The following MAP4K3 variants were observed in gnomAD, a reference collection of about 807,000 sequenced individuals.
MAP4K3 encodes the protein mitogen-activated protein kinase kinase kinase kinase 3, also known as MAPK/ERK kinase kinase kinase 3.
In MAP4K3, 94 loss-of-function variants were observed where a neutral mutation model predicts 143.5. That is an observed-to-expected ratio of 0.65 (90% CI 0.55 to 0.78). The LOEUF (loss-of-function observed/expected upper bound fraction) is 0.78, where lower values mean the gene tolerates loss of function less well. Ranked by LOEUF, MAP4K3 falls within the 30% of genes least tolerant of loss-of-function variation. The probability of loss-of-function intolerance (pLI) is 0.00; values close to 1 mark genes in which losing one functional copy is unlikely to be tolerated. For synonymous variants in MAP4K3, 416 were observed against 347.2 expected (o/e 1.20, Z -2.20); for missense variants, 1,077 against 1,068.1 (o/e 1.01, Z -0.12).
intron 1 of MAP4K3, among the ~76,000 whole-genome samples, chr2:39,419,405 T>C (rs1452829013): frequency 5.9e-5 from 9 of 152,158 alleles, no homozygotes; most frequent in Non-Finnish European, 1.2e-4. Context: ...TTATTTTCTA[T>C]AAAAGCAGTA....
intron 32 of MAP4K3, among the ~76,000 whole-genome samples, chr2:39,252,265 G>C (rs1200708368): frequency 6.6e-6 from 1 of 152,214 alleles, no homozygotes. Flanking sequence ...ACTTAAAAAG[G>C]CTGCCACGTA....
At chr2:39,392,940 C>T (rs936629745) in intron 1 of MAP4K3, among the ~76,000 whole-genome samples, 1 of 152,174 alleles carries the variant, frequency 6.6e-6, no homozygotes, top group Non-Finnish European at 1.5e-5. Flanking sequence ...TTATAAATTA[C>T]CCAGTCTCAG....
intron 1 of MAP4K3, among the ~76,000 whole-genome samples, chr2:39,404,690 C>T (rs1251311864): frequency 1.4e-5 from 2 of 141,416 alleles, no homozygotes; most frequent in African/African-American, 2.7e-5. Context: ...GGCACGATCT[C>T]GGCTGACCAC....
chr2:39,267,314 T>G, intron 26 of MAP4K3, 67 bp from the exon 27 acceptor site: 1 of 1,200,436 alleles, frequency 8.3e-7, no homozygotes, highest in Non-Finnish European at 1.2e-6. Flanking sequence ...AAGCTACTGT[T>G]ATAGATCAGT....
chr2:39,410,524 T>A (rs1164637753), intron 1 of MAP4K3, among the ~76,000 whole-genome samples: 1 of 152,190 alleles, frequency 6.6e-6, no homozygotes, highest in East Asian at 1.9e-4. Context: ...CAGTCACATG[T>A]CACTCTAACA....
At chr2:39,336,471 CAAAAAAAAAAAAA>C (rs55780656) in intron 6 of MAP4K3, among the ~76,000 whole-genome samples, 15 of 38,680 alleles carry the variant, frequency 3.9e-4, no homozygotes, top group African/African-American at 1.8e-3. Flanking sequence ...GACTCCATCT[CAAAAAAAAAAAAA>C]AAAAAAAAAA....
chr2:39,306,997 G>A (rs781744525), intron 15 of MAP4K3, among the ~76,000 whole-genome samples: 4 of 152,228 alleles, frequency 2.6e-5, no homozygotes, highest in African/African-American at 9.6e-5. Flanking sequence ...CTGTCCAATA[G>A]GACAGCAACC....
At chr2:39,297,967 T>C (rs1044291942) in intron 16 of MAP4K3, among the ~76,000 whole-genome samples, 3 of 152,080 alleles carry the variant, frequency 2.0e-5, no homozygotes, top group Non-Finnish European at 4.4e-5. Flanking sequence ...CAATGGAAAC[T>C]AAGGAATCTG....
In MAP4K3 at chr2:39,299,769, T is replaced by A; in HGVS notation, c.1152A>T (p.Gln384His). ...DLQLEYGQGH[Q>H]GGYFLGANKS... ...TGTTTGCACCTAAAAAGTAACCACC[T>A]TGGTGTCCTTGTCCATATTCCAGTT... The change falls in exon 16 of 34, where the codon CAA becomes CAT. Residue 384 changes from glutamine to histidine, a missense_variant. Physicochemically the swap from Gln to His is conservative, Grantham distance 24. Transcript: ENST00000263881. 1 of 1,577,246 alleles carries A rather than the reference T, an allele frequency of 6.3e-7. No homozygotes were observed. Among genetic ancestry groups the A allele is most frequent in the Non-Finnish European group, 8.6e-7 (1 of 1,163,740 alleles).
At chr2:39,266,167 G>C (rs1385299697) in intron 27 of MAP4K3, among the ~76,000 whole-genome samples, 1 of 152,146 alleles carries the variant, frequency 6.6e-6, no homozygotes, top group African/African-American at 2.4e-5. Flanking sequence ...TTCTAACAGA[G>C]ACTCAACCAC....
intron 26 of MAP4K3, 86 bp from the exon 27 acceptor site, chr2:39,267,333 G>T: frequency 2.0e-6 from 2 of 995,174 alleles, no homozygotes; most frequent in Non-Finnish European, 3.2e-6. Context: ...GTGCACAAAG[G>T]ATGAGTTCAA....
In MAP4K3 at chr2:39,277,786, G is replaced by A. The variant is rs1424302382; in HGVS notation, c.1794+621C>T. ...TCACCATGTTGGCCAGGCTGGTCTC[G>A]AACTCCTGACCTCAGGTGATCTGCC... On this transcript the variant is annotated intron_variant, in intron 24 of 33. Coordinates refer to ENST00000263881, the MANE Select transcript of MAP4K3 (RefSeq NM_003618.4). Among the ~76,000 whole-genome samples the A allele has an allele frequency of 5.3e-5, 8 of 151,200 alleles. No homozygotes were observed. The East Asian group carries it at 1.0e-3, about 19-fold the overall frequency.
intron 2 of MAP4K3, among the ~76,000 whole-genome samples, chr2:39,369,718 A>G (rs1666029855): frequency 1.3e-5 from 2 of 152,200 alleles, no homozygotes; most frequent in South Asian, 4.1e-4. Flanking sequence ...CACAGCTTCT[A>G]TGGAACCCAC....
intron 3 of MAP4K3, among the ~76,000 whole-genome samples, chr2:39,353,810 A>C (rs2148549086): frequency 6.6e-6 from 1 of 152,306 alleles, no homozygotes; most frequent in South Asian, 2.1e-4. Flanking sequence ...AGCATTTATT[A>C]CATTCTAAGC....
chr2:39,263,430 G>T (rs959440180), intron 28 of MAP4K3, among the ~76,000 whole-genome samples: 12 of 110,660 alleles, frequency 1.1e-4, no homozygotes, highest in Admixed American at 4.9e-4. Flanking sequence ...CCACCATCAC[G>T]CCCGGCTATT....
intron 2 of MAP4K3, among the ~76,000 whole-genome samples, chr2:39,360,027 G>T (rs1235835282): frequency 6.6e-6 from 1 of 152,224 alleles, no homozygotes; most frequent in African/African-American, 2.4e-5. Flanking sequence ...AATTTCTGCA[G>T]CAGGTTTGAA....
At chr2:39,267,117 G>C in intron 27 of MAP4K3, 72 bp downstream of exon 27, 1 of 1,375,370 alleles carries the variant, frequency 7.3e-7, no homozygotes, top group East Asian at 2.3e-5. Context: ...GAATGCCCTG[G>C]GGTAGTACTG....
At chr2:39,336,826 G>A in intron 6 of MAP4K3, 94 bp downstream of exon 6, 1 of 498,796 alleles carries the variant, frequency 2.0e-6, no homozygotes, top group Non-Finnish European at 3.6e-6. Context: ...CATTTCAGAT[G>A]CATTTATCAA....
rs540993826 is a variant in MAP4K3 at position 39,341,284 on chromosome 2, T to C, written c.310+2104A>G. 3.2e-4 allele frequency among the ~76,000 whole-genome samples: 49 copies of C among 152,138 alleles called. 1 individual carries two copies. The South Asian group carries it at 7.5e-3, about 23-fold the overall frequency. ...AGAAAATACCTGTCAACCTAGAAAA[T>C]ACCTATCTATACCCACTTAAATAAT... is the stretch of plus-strand genomic sequence containing the variant. On this transcript the variant is annotated intron_variant, in intron 4 of 33. Transcript: ENST00000263881.
Sources: gnomAD v4.1 joint callset for allele counts (sites outside exome capture counted in the v4.1 genomes callset) on GRCh38, gnomAD v4.1.1 for gene constraint, MANE v1.5 for transcripts, NCBI Gene and HGNC (gene_info 2026-07-23, HGNC 2026-07-21) for gene names.